Variants in POU2F1 observed in about 807,000 individuals in gnomAD.
POU2F1 encodes POU class 2 homeobox 1, also known as POU domain, class 2, transcription factor 1.
In POU2F1, 16 loss-of-function variants were observed where a neutral mutation model predicts 84.9. The ratio of observed to expected loss-of-function variants is 0.19; its 90% CI spans 0.13 to 0.29. The LOEUF is 0.29. POU2F1 is among the 10% of genes least tolerant of loss of function. The pLI is 1.00. For missense variants in POU2F1, 738 were observed against 942.6 expected, an observed-to-expected ratio of 0.78 and a Z score of 2.84; for synonymous variants, 368 against 368.3, an observed-to-expected ratio of 1.00 and a Z score of 0.01.
intron 1 of POU2F1, among the ~76,000 whole-genome samples, chr1:167,323,430 A>G (rs1656463262): frequency 6.6e-6 from 1 of 152,188 alleles, no homozygotes; most frequent in Admixed American, 6.5e-5. Flanking sequence ...GTAATATAGC[A>G]CAGGTTAAAA....
rs150460570 is a variant in POU2F1, at chr1:167,260,415, A to G, written c.61+39457A>G. On this transcript the variant is annotated intron_variant, in intron 1 of 15. Coordinates refer to ENST00000367866, the MANE Select transcript of POU2F1 (RefSeq NM_002697.4). The stretch of plus-strand genomic sequence containing the variant: ...ATCAGCCTTTTCCTTTATGGTTTGT[A>G]CTTTTTATGTGTTATTAAAGAAAGC... Among the ~76,000 whole-genome samples, 5 of 152,104 alleles carry G rather than the reference A, an allele frequency of 3.3e-5. No homozygotes were observed. In the East Asian group the frequency reaches 7.8e-4, roughly 24 times the overall value.
At chr1:167,343,232 A>G (rs1013867297) in intron 2 of POU2F1, among the ~76,000 whole-genome samples, 2 of 152,214 alleles carry the variant, frequency 1.3e-5, no homozygotes, top group African/African-American at 4.8e-5. Context: ...AATTAAGATT[A>G]TACTTTTGTT....
chr1:167,401,352 G>C (rs1442366977), intron 12 of POU2F1, 99 bp from the exon 13 acceptor site: 3 of 698,658 alleles, frequency 4.3e-6, no homozygotes, highest in Non-Finnish European at 7.1e-6. Flanking sequence ...TAGGATGTCA[G>C]GTGTCTCAAT....
intron 1 of POU2F1, among the ~76,000 whole-genome samples, chr1:167,310,285 A>G (rs932972419): frequency 1.3e-5 from 2 of 152,136 alleles, no homozygotes; most frequent in African/African-American, 4.8e-5. Flanking sequence ...AGTAAATAAA[A>G]ACTGTAAAAT....
intron 1 of POU2F1, among the ~76,000 whole-genome samples, chr1:167,256,983 A>G (rs1274650636): frequency 1.3e-5 from 2 of 152,152 alleles, no homozygotes; most frequent in African/African-American, 4.8e-5. Flanking sequence ...GCTTGTGGAA[A>G]ATGTCTCCCT....
chr1:167,413,145 G>A (rs564210385), intron 15 of POU2F1, 31 bp downstream of exon 15: 10 of 1,517,494 alleles, frequency 6.6e-6, no homozygotes, highest in African/African-American at 1.5e-5. Context: ...TAATTTGGTG[G>A]CATGCACGTG....
chr1:167,241,293 C>T (rs1405256230), intron 1 of POU2F1: 3 of 152,136 alleles, frequency 2.0e-5, no homozygotes, highest in African/African-American at 4.8e-5. Flanking sequence ...TATTTGTCTT[C>T]ATAAGGGCAT....
chr1:167,341,332 A>G (rs1455575277), intron 2 of POU2F1, among the ~76,000 whole-genome samples: 2 of 152,154 alleles, frequency 1.3e-5, no homozygotes, highest in Admixed American at 6.5e-5. Context: ...ATTTTCTGAT[A>G]CTTGTTTTGT....
intron 14 of POU2F1, 26 bp downstream of exon 14, chr1:167,412,330 C>T (rs530061667): frequency 1.3e-5 from 20 of 1,497,060 alleles, no homozygotes; most frequent in African/African-American, 5.6e-5. Context: ...ATCTCATTCA[C>T]GTCTGAGGTG....
At chr1:167,287,206 C>T (rs897821517) in intron 1 of POU2F1, among the ~76,000 whole-genome samples, 5 of 152,180 alleles carry the variant, frequency 3.3e-5, no homozygotes, top group Non-Finnish European at 7.4e-5. Context: ...AAATAGAAGT[C>T]TTCCCTGAAA....
chr1:167,320,788 G>A (rs773935326), intron 1 of POU2F1, among the ~76,000 whole-genome samples: 9 of 152,100 alleles, frequency 5.9e-5, no homozygotes, highest in African/African-American at 1.9e-4. Flanking sequence ...AGCCTTATAC[G>A]CTTGCTTCTC....
At chr1:167,390,273 A>T (rs1317625143) in intron 9 of POU2F1, among the ~76,000 whole-genome samples, 1 of 152,288 alleles carries the variant, frequency 6.6e-6, no homozygotes, top group South Asian at 2.1e-4. Flanking sequence ...GTTTAATGTT[A>T]GTCTAGAAGC....
chr1:167,422,871 C>T lies in POU2F1; in HGVS notation c.*7061C>T, dbSNP rs1273761210. ...CTCTTTCCTTCCCTTTTCCCCTTTT[C>T]CCAGTCCCCTGCTTTTTGAAGGAAG... is the stretch of plus-strand genomic sequence containing the variant. On this transcript the variant is annotated 3_prime_UTR_variant, in exon 16 of 16. Transcript: ENST00000367866. 1.3e-5 allele frequency: 2 copies of T among 152,170 alleles called. No homozygotes were observed. The highest frequency in any genetic ancestry group is 1.9e-4 in the East Asian group (1 of 5,202). The allele number at this position is 152,170 out of a possible 1,614,324, so 9.4% of individuals were successfully genotyped here.
At chr1:167,260,385 T>A (rs1164782576) in intron 1 of POU2F1, among the ~76,000 whole-genome samples, 1 of 152,214 alleles carries the variant, frequency 6.6e-6, no homozygotes, top group East Asian at 1.9e-4. Flanking sequence ...AATACTATTG[T>A]ATTTATCAGC....
intron 2 of POU2F1, chr1:167,338,372 CT>C: frequency 2.6e-6 from 1 of 378,018 alleles, no homozygotes. Flanking sequence ...ATCAGCAATG[CT>C]TCTGGTCAAC....
chr1:167,336,929 G>T (rs1334317946), intron 2 of POU2F1, among the ~76,000 whole-genome samples: 1 of 152,116 alleles, frequency 6.6e-6, no homozygotes, highest in Non-Finnish European at 1.5e-5. Flanking sequence ...ACTTTGGGAG[G>T]CCAAGGTGGG....
chr1:167,259,286 T>C (rs1324110543), intron 1 of POU2F1, among the ~76,000 whole-genome samples: 2 of 152,096 alleles, frequency 1.3e-5, no homozygotes, highest in Non-Finnish European at 2.9e-5. Flanking sequence ...TGGGAGACCA[T>C]CCCAGATTTG....
intron 1 of POU2F1, among the ~76,000 whole-genome samples, chr1:167,304,775 G>C (rs911123913): frequency 2.0e-5 from 3 of 152,022 alleles, no homozygotes; most frequent in Non-Finnish European, 2.9e-5. Flanking sequence ...AAGTCCAAAG[G>C]GATATTTTCT....
intron 1 of POU2F1, among the ~76,000 whole-genome samples, chr1:167,229,473 A>G (rs1648896570): frequency 6.6e-6 from 1 of 152,224 alleles, no homozygotes; most frequent in Admixed American, 6.5e-5. Flanking sequence ...GTTGAAATTT[A>G]TGCTCATGCC....
Sources: gnomAD v4.1 joint callset for allele counts (sites outside exome capture counted in the v4.1 genomes callset) on GRCh38, gnomAD v4.1.1 for gene constraint, MANE v1.5 for transcripts, NCBI Gene and HGNC (gene_info 2026-07-23, HGNC 2026-07-21) for gene names.